TSHZ2: variants seen among roughly 807,000 people sequenced by gnomAD.
TSHZ2 encodes the protein teashirt homolog 2.
TSHZ2 carries 21 observed loss-of-function variants against 74.4 expected under a neutral mutation model. The ratio of observed to expected loss-of-function variants is 0.28; its 90% CI spans 0.20 to 0.41. The LOEUF is 0.41. TSHZ2 is among the 10% of genes least tolerant of loss of function. The probability of loss-of-function intolerance (pLI) is 1.00; values close to 1 mark genes in which losing one functional copy is unlikely to be tolerated. For missense variants in TSHZ2, 1,244 were observed against 1,293.5 expected (o/e 0.96, Z 0.59); for synonymous variants, 540 against 515.3 (o/e 1.05, Z -0.65).
chr20:52,982,092 G>T (rs1426011422), intron 1 of TSHZ2, among the ~76,000 whole-genome samples: 1 of 152,236 alleles, frequency 6.6e-6, no homozygotes, highest in Non-Finnish European at 1.5e-5. Context: ...TGGGACAACA[G>T]AGATGTAGAT....
intron 1 of TSHZ2, among the ~76,000 whole-genome samples, chr20:53,182,799 C>G (rs891651544): frequency 2.0e-5 from 3 of 152,136 alleles, no homozygotes; most frequent in Non-Finnish European, 4.4e-5. Flanking sequence ...CTCTGTGTGT[C>G]TCTCCTCTCT....
chr20:52,991,604 T>G (rs571615280), intron 1 of TSHZ2, among the ~76,000 whole-genome samples: 10 of 149,818 alleles, frequency 6.7e-5, no homozygotes, highest in Admixed American at 1.3e-4. Flanking sequence ...ATGCATGATT[T>G]TGTGTGGATT....
At chr20:53,056,678 C>T (rs546946511) in intron 1 of TSHZ2, among the ~76,000 whole-genome samples, 2 of 152,284 alleles carry the variant, frequency 1.3e-5, no homozygotes, top group African/African-American at 4.8e-5. Context: ...CTGCAGATTA[C>T]CATCCTGTGT....
chr20:53,123,735 C>G (rs1237657953), intron 1 of TSHZ2, among the ~76,000 whole-genome samples: 2 of 152,114 alleles, frequency 1.3e-5, no homozygotes, highest in Non-Finnish European at 2.9e-5. Context: ...GCCCATAAAA[C>G]AAGCACTACC....
intron 2 of TSHZ2, among the ~76,000 whole-genome samples, chr20:53,358,851 C>A (rs1409149366): frequency 6.6e-6 from 1 of 152,180 alleles, no homozygotes; most frequent in Non-Finnish European, 1.5e-5. Flanking sequence ...ATCTAGGTGA[C>A]AAAATCTTTT....
chr20:53,164,093 A>G (rs1313264347), intron 1 of TSHZ2, among the ~76,000 whole-genome samples: 2 of 152,106 alleles, frequency 1.3e-5, no homozygotes, highest in Non-Finnish European at 2.9e-5. Flanking sequence ...TTTTTGTACT[A>G]TAAACACCAC....
rs898569691 is a variant in TSHZ2 at position 53,365,616 on chromosome 20, C to T, written c.*8+109045C>T. On this transcript the variant is annotated intron_variant, in intron 2 of 2. Coordinates refer to ENST00000371497, the MANE Select transcript of TSHZ2 (RefSeq NM_173485.6). ...ATCCTGACAAAGCAAAGGTGTGGTC[C>T]CCCACCTCAGGTGACAGGCAGTGGT... Among the ~76,000 whole-genome samples the T allele has an allele frequency of 6.0e-5, 9 of 149,424 alleles. No homozygotes were observed. In the South Asian group the frequency reaches 8.4e-4, roughly 14 times the overall value.
chr20:53,277,470 A>C (rs1404196251), intron 2 of TSHZ2, among the ~76,000 whole-genome samples: 4 of 152,066 alleles, frequency 2.6e-5, no homozygotes, highest in African/African-American at 9.7e-5. Context: ...GAAAAAAAAA[A>C]ACAAGGAATA....
At chr20:53,158,185 G>C (rs939365713) in intron 1 of TSHZ2, among the ~76,000 whole-genome samples, 4 of 152,172 alleles carry the variant, frequency 2.6e-5, no homozygotes, top group African/African-American at 9.7e-5. Context: ...ACAGCAAGGA[G>C]ACCCGGATGT....
intron 1 of TSHZ2, among the ~76,000 whole-genome samples, chr20:53,069,171 G>A (rs1006721407): frequency 6.6e-6 from 1 of 152,046 alleles, no homozygotes; most frequent in Non-Finnish European, 1.5e-5. Flanking sequence ...CTTTCTCTGC[G>A]CCATGTGAAA....
intron 1 of TSHZ2, among the ~76,000 whole-genome samples, chr20:53,246,839 TGGCCCA>T (rs1307100528): frequency 4.6e-5 from 7 of 152,202 alleles, no homozygotes; most frequent in Non-Finnish European, 8.8e-5. Flanking sequence ...GCTGTAACGA[TGGCCCA>T]GGAAAGAAGC....
intron 1 of TSHZ2, among the ~76,000 whole-genome samples, chr20:53,048,192 G>T (rs1020714195): frequency 6.6e-6 from 1 of 152,184 alleles, no homozygotes; most frequent in Admixed American, 6.5e-5. Flanking sequence ...CCAGGGTAGA[G>T]CCGATCAAAG....
At chr20:53,181,160 T>C (rs886552456) in intron 1 of TSHZ2, among the ~76,000 whole-genome samples, 3 of 152,234 alleles carry the variant, frequency 2.0e-5, no homozygotes, top group African/African-American at 7.2e-5. Context: ...CTGGCCCCGC[T>C]AGATAAAGAA....
chr20:53,137,161 T>C (rs1987266027), intron 1 of TSHZ2, among the ~76,000 whole-genome samples: 1 of 152,192 alleles, frequency 6.6e-6, no homozygotes, highest in South Asian at 2.1e-4. Context: ...TTATCATTGA[T>C]AGTAACACTT....
At chr20:53,140,267 A>G (rs1445490070) in intron 1 of TSHZ2, among the ~76,000 whole-genome samples, 1 of 152,082 alleles carries the variant, frequency 6.6e-6, no homozygotes, top group African/African-American at 2.4e-5. Flanking sequence ...GGGGCCAGGC[A>G]CGGTGGCTCG....
intron 2 of TSHZ2, among the ~76,000 whole-genome samples, chr20:53,317,255 T>G (rs1412822881): frequency 6.6e-6 from 1 of 152,234 alleles, no homozygotes; most frequent in African/African-American, 2.4e-5. Flanking sequence ...TGCTGGGGAC[T>G]TACTTATCCT....
chr20:53,164,826 A>G (rs1285664804), intron 1 of TSHZ2, among the ~76,000 whole-genome samples: 2 of 152,216 alleles, frequency 1.3e-5, no homozygotes, highest in East Asian at 1.9e-4. Context: ...TGGGTCTGAC[A>G]TTTAAATCAT....
At chr20:53,288,148 C>G (rs1991203547) in intron 2 of TSHZ2, among the ~76,000 whole-genome samples, 1 of 152,068 alleles carries the variant, frequency 6.6e-6, no homozygotes, top group Admixed American at 6.6e-5. Context: ...CACCTGTAAT[C>G]CCTCCTGCAC....
intron 2 of TSHZ2, among the ~76,000 whole-genome samples, chr20:53,293,889 G>A (rs1027399110): frequency 2.0e-5 from 3 of 151,904 alleles, no homozygotes; most frequent in African/African-American, 7.3e-5. Context: ...AGTGGTGCAT[G>A]TCTGTAATCC....
Sources: allele counts gnomAD v4.1 joint callset (sites outside exome capture counted in the v4.1 genomes callset), GRCh38; gene constraint gnomAD v4.1.1; transcripts MANE v1.5; gene names NCBI Gene and HGNC (gene_info 2026-07-23, HGNC 2026-07-21).